Variants in BCL11A observed in about 807,000 individuals in gnomAD.
BCL11A encodes BCL11 transcription factor A.
A neutral mutation model predicts 55.9 loss-of-function variants in BCL11A; 2 were observed. The ratio of observed to expected loss-of-function variants is 0.04; its 90% CI spans 0.01 to 0.11. BCL11A has a LOEUF of 0.11. BCL11A is among the 10% of genes least tolerant of loss of function. The pLI is 1.00. For synonymous variants in BCL11A, 465 were observed against 473.4 expected, an observed-to-expected ratio of 0.98 and a Z score of 0.23; for missense variants, 817 against 1,137.1, an observed-to-expected ratio of 0.72 and a Z score of 4.05.
intron 2 of BCL11A, among the ~76,000 whole-genome samples, chr2:60,520,683 G>A (rs1409118116): frequency 6.6e-6 from 1 of 152,132 alleles, no homozygotes; most frequent in Non-Finnish European, 1.5e-5. Context: ...CAAGGAGAGT[G>A]AAGATATTTG....
intron 2 of BCL11A, among the ~76,000 whole-genome samples, chr2:60,495,241 A>G (rs1678879669): frequency 6.6e-6 from 1 of 151,968 alleles, no homozygotes; most frequent in African/African-American, 2.4e-5. Context: ...CCCTAATCAG[A>G]GGCCAAACCC....
intron 2 of BCL11A, among the ~76,000 whole-genome samples, chr2:60,530,187 G>A (rs745903568): frequency 9.9e-5 from 15 of 152,114 alleles, no homozygotes; most frequent in South Asian, 2.1e-4. Context: ...GTCCTGCCCA[G>A]GAAAGGCTGC....
intron 2 of BCL11A, among the ~76,000 whole-genome samples, chr2:60,511,497 T>A (rs1448035490): frequency 6.6e-6 from 1 of 152,262 alleles, no homozygotes; most frequent in Non-Finnish European, 1.5e-5. Context: ...TTACCATGTT[T>A]CATAATGCTA....
At chr2:60,497,525 C>G (rs988283886) in intron 2 of BCL11A, among the ~76,000 whole-genome samples, 3 of 152,152 alleles carry the variant, frequency 2.0e-5, no homozygotes, top group African/African-American at 7.2e-5. Context: ...ATTCATGGCC[C>G]CTAACATCAG....
chr2:60,523,848 G>A (rs975477785), intron 2 of BCL11A, among the ~76,000 whole-genome samples: 41 of 152,082 alleles, frequency 2.7e-4, no homozygotes, highest in Admixed American at 5.9e-4. Context: ...TAGCCCAAAC[G>A]TTCAAGAATT....
At chr2:60,544,594 G>T (rs45565333) in intron 2 of BCL11A, 1 of 152,192 alleles carries the variant, frequency 6.6e-6, no homozygotes, top group Non-Finnish European at 1.5e-5. Flanking sequence ...AAATTCTAGA[G>T]GGGGAGAGGA....
At chr2:60,463,419 A>T (rs1338132573) in intron 3 of BCL11A, among the ~76,000 whole-genome samples, 1 of 152,234 alleles carries the variant, frequency 6.6e-6, no homozygotes, top group Admixed American at 6.5e-5. Flanking sequence ...AACGTGAACC[A>T]AATTATACAA....
At chr2:60,467,120 G>GTGGTGATGATGGTGGTGGTAGTGGTGGTA (rs1676677775) in intron 3 of BCL11A, among the ~76,000 whole-genome samples, 1 of 134,276 alleles carries the variant, frequency 7.4e-6, no homozygotes, top group Non-Finnish European at 1.6e-5. Context: ...AGTGGTGGTG[G>GTGGTGATGATGGTGGTGGTAGTGGTGGTA]TGGTGGTGAT....
intron 2 of BCL11A, chr2:60,524,966 G>C (rs913867158): frequency 6.6e-6 from 1 of 152,142 alleles, no homozygotes; most frequent in Non-Finnish European, 1.5e-5. Flanking sequence ...TTACCTACAT[G>C]ATGAATAAAA....
At chr2:60,467,311 G>A (rs1676759447) in intron 3 of BCL11A, among the ~76,000 whole-genome samples, 2 of 94,678 alleles carry the variant, frequency 2.1e-5, no homozygotes, top group Non-Finnish European at 4.2e-5. Flanking sequence ...TGGTGGTGGT[G>A]GTGATGGTGG....
At position 60,458,519 on chromosome 2, in the gene BCL11A, A is replaced by G; in HGVS notation, c.*1885T>C. 9.7e-7 allele frequency: 1 copy of G among 1,034,986 alleles called. No individual in the cohort carries two copies. Among genetic ancestry groups the G allele is most frequent in the Non-Finnish European group, 1.2e-6 (1 of 859,492 alleles). The allele number at this position is 1,034,986 out of a possible 1,614,324, so 64.1% of individuals were successfully genotyped here. A position where few individuals can be genotyped will look rare whatever the true frequency, so the allele number is the denominator to read the frequency against. ...AAAGCAATCATTCATTTCTATGTTA[A>G]GTGTATTCTGTTTCCATTCACAGCG... On this transcript the variant is annotated 3_prime_UTR_variant, in exon 4 of 4. Transcript: ENST00000642384.
chr2:60,460,233 C>A lies in BCL11A; in HGVS notation c.*171G>T. 1 of 1,326,162 alleles carries A rather than the reference C, an allele frequency of 7.5e-7. No homozygotes were observed. Among genetic ancestry groups the A allele is most frequent in the Non-Finnish European group, 9.6e-7 (1 of 1,040,362 alleles). The allele number at this position is 1,326,162 out of a possible 1,614,324, so 82.1% of individuals were successfully genotyped here. A position where few individuals can be genotyped will look rare whatever the true frequency, so the allele number is the denominator to read the frequency against. ...AGAAAAAAAACAGGTGTGCTGGTGA[C>A]AAGCACTCTCATATTCTTAGCTTCG... On this transcript the variant is annotated 3_prime_UTR_variant, in exon 4 of 4. Transcript: ENST00000642384.
intron 2 of BCL11A, among the ~76,000 whole-genome samples, chr2:60,504,538 G>A (rs988880332): frequency 6.6e-6 from 1 of 152,102 alleles, no homozygotes; most frequent in Non-Finnish European, 1.5e-5. Context: ...TCAGCATCGG[G>A]ACACCCAGAA....
intron 1 of BCL11A, chr2:60,549,863 G>A (rs1341554911): frequency 6.6e-6 from 1 of 152,270 alleles, no homozygotes; most frequent in Non-Finnish European, 1.5e-5. Context: ...TTTACTTTGG[G>A]GGATCTCTGC....
At chr2:60,485,401 A>G (rs933681918) in intron 2 of BCL11A, among the ~76,000 whole-genome samples, 11 of 152,358 alleles carry the variant, frequency 7.2e-5, no homozygotes, top group African/African-American at 2.6e-4. Flanking sequence ...TGTTGCTGTC[A>G]TCTTCGTTCT....
chr2:60,464,139 T>A (rs1198430388), intron 3 of BCL11A, among the ~76,000 whole-genome samples: 2 of 152,204 alleles, frequency 1.3e-5, no homozygotes, highest in African/African-American at 4.8e-5. Flanking sequence ...AACGCATTTA[T>A]AATCCCACTC....
chr2:60,527,653 A>G (rs1279948373), intron 2 of BCL11A: 1 of 152,214 alleles, frequency 6.6e-6, no homozygotes, highest in Non-Finnish European at 1.5e-5. Context: ...AGAAGGACTT[A>G]CCAAGTGAGC....
At chr2:60,494,233 G>A (rs1343153578) in intron 2 of BCL11A, among the ~76,000 whole-genome samples, 1 of 152,186 alleles carries the variant, frequency 6.6e-6, no homozygotes, top group African/African-American at 2.4e-5. Flanking sequence ...AGAGGGTGAT[G>A]CTGACAGGCC....
downstream of BCL11A, among the ~76,000 whole-genome samples, chr2:60,456,928 A>G (rs1165840039): frequency 3.3e-5 from 5 of 152,176 alleles, no homozygotes; most frequent in Admixed American, 3.3e-4. Flanking sequence ...TAAGAGATGG[A>G]GTAAGTTTTT....
Sources: gnomAD v4.1 joint callset for allele counts (sites outside exome capture counted in the v4.1 genomes callset) on GRCh38, gnomAD v4.1.1 for gene constraint, MANE v1.5 for transcripts, NCBI Gene and HGNC (gene_info 2026-07-23, HGNC 2026-07-21) for gene names.